RPS6KC1: variants seen among roughly 807,000 people sequenced by gnomAD.
RPS6KC1 encodes the protein inactive ribosomal protein S6 kinase delta-1.
In RPS6KC1, 54 loss-of-function variants were observed where a neutral mutation model predicts 103.8. That is an observed-to-expected ratio of 0.52 (90% CI 0.42 to 0.65). The LOEUF is 0.65. RPS6KC1 is among the 30% of genes least tolerant of loss of function. The probability of loss-of-function intolerance (pLI) is 0.00; values close to 1 mark genes in which losing one functional copy is unlikely to be tolerated. For synonymous variants in RPS6KC1, 439 were observed against 438.7 expected (o/e 1.00, Z -0.01); for missense variants, 1,151 against 1,253.8 (o/e 0.92, Z 1.24).
intron 10 of RPS6KC1, among the ~76,000 whole-genome samples, chr1:213,235,589 G>A (rs2094203872): frequency 6.6e-6 from 1 of 152,112 alleles, no homozygotes; most frequent in South Asian, 2.1e-4. Flanking sequence ...GTCTTGGCAA[G>A]AGAAAACAAA....
At chr1:213,851,094 C>A in the RPS6KC1 span, among the ~76,000 whole-genome samples, 2 of 152,082 alleles carry the variant, frequency 1.3e-5, no homozygotes, top group Non-Finnish European at 2.9e-5. Context: ...TCATCAACCC[C>A]CTCTTTCAGC....
the RPS6KC1 span, among the ~76,000 whole-genome samples, chr1:213,519,286 A>G: frequency 6.6e-6 from 1 of 152,180 alleles, no homozygotes; most frequent in African/African-American, 2.4e-5. Context: ...CACAAAGATA[A>G]GAACCTGTTG....
In RPS6KC1 at chr1:213,088,688, A is replaced by G. The variant is rs114430780; in HGVS notation, c.262+10872A>G. The stretch of plus-strand genomic sequence containing the variant: ...TCATGGCTAATTTTTTTTATATTAA[A>G]CTTTTCCCTGTTCAAATTACTGTGT... On this transcript the variant is annotated intron_variant, in intron 3 of 14. Coordinates refer to ENST00000366960, the MANE Select transcript of RPS6KC1 (RefSeq NM_012424.6). Among the ~76,000 whole-genome samples the G allele has an allele frequency of 5.3e-3, 812 of 152,104 alleles. 3 individuals carry two copies. The highest frequency in any genetic ancestry group is 8.1e-3 in the Non-Finnish European group (551 of 67,976).
chr1:213,691,982 G>A, the RPS6KC1 span, among the ~76,000 whole-genome samples: 32 of 152,334 alleles, frequency 2.1e-4, no homozygotes, highest in Non-Finnish European at 4.0e-4. Context: ...GCTAGCGGTG[G>A]TGAATCCATA....
the RPS6KC1 span, among the ~76,000 whole-genome samples, chr1:213,627,156 G>A: frequency 6.6e-6 from 1 of 152,112 alleles, no homozygotes; most frequent in Non-Finnish European, 1.5e-5. Flanking sequence ...CTTGTAAGTT[G>A]GATTCCTAGG....
At chr1:213,281,368 A>G in the RPS6KC1 span, among the ~76,000 whole-genome samples, 5 of 152,190 alleles carry the variant, frequency 3.3e-5, no homozygotes, top group African/African-American at 4.8e-5. Context: ...TCTTCCTTCA[A>G]ACCCTAAACT....
the RPS6KC1 span, among the ~76,000 whole-genome samples, chr1:213,376,627 A>C: frequency 2.6e-5 from 4 of 151,918 alleles, no homozygotes; most frequent in Non-Finnish European, 4.4e-5. Flanking sequence ...TTCCCTTTCT[A>C]TCCTTCTCTA....
At chr1:213,578,268 G>T in the RPS6KC1 span, among the ~76,000 whole-genome samples, 1 of 152,246 alleles carries the variant, frequency 6.6e-6, no homozygotes, top group East Asian at 1.9e-4. Context: ...GGAAACACCT[G>T]AATGTCCAGG....
intron 6 of RPS6KC1, among the ~76,000 whole-genome samples, chr1:213,130,303 GT>G (rs1032253797): frequency 1.3e-5 from 2 of 152,140 alleles, no homozygotes; most frequent in African/African-American, 4.8e-5. Flanking sequence ...AGATTCTTGG[GT>G]TTGCCGACTA....
At chr1:213,744,564 GTTA>G in the RPS6KC1 span, among the ~76,000 whole-genome samples, 1 of 152,052 alleles carries the variant, frequency 6.6e-6, no homozygotes, top group Admixed American at 6.5e-5. Flanking sequence ...GCCTTTTTTT[GTTA>G]TTCCTTAGTT....
the RPS6KC1 span, among the ~76,000 whole-genome samples, chr1:213,447,128 C>T: frequency 2.0e-5 from 3 of 151,620 alleles, no homozygotes; most frequent in Non-Finnish European, 2.9e-5. Flanking sequence ...AGTGCAGTAG[C>T]ACAATCACAG....
the RPS6KC1 span, among the ~76,000 whole-genome samples, chr1:213,730,706 C>T: frequency 2.6e-5 from 4 of 152,258 alleles, no homozygotes; most frequent in South Asian, 8.3e-4. Context: ...CAAAAATTTT[C>T]TCCCATTCTG....
At chr1:213,187,402 G>T (rs1034369189) in intron 8 of RPS6KC1, among the ~76,000 whole-genome samples, 1 of 151,626 alleles carries the variant, frequency 6.6e-6, no homozygotes, top group Admixed American at 6.6e-5. Flanking sequence ...GCGCCACTAT[G>T]CCTGGATAAT....
chr1:213,793,069 T>C, the RPS6KC1 span, among the ~76,000 whole-genome samples: 2 of 152,118 alleles, frequency 1.3e-5, no homozygotes, highest in Admixed American at 1.3e-4. Context: ...GGACCCCCAG[T>C]CTCCATATAA....
intron 4 of RPS6KC1, among the ~76,000 whole-genome samples, chr1:213,114,415 A>T (rs2083355491): frequency 7.2e-6 from 1 of 139,620 alleles, no homozygotes; most frequent in African/African-American, 2.8e-5. Context: ...TTGTATCCTG[A>T]GACTTTGCTG....
chr1:213,351,339 G>A, the RPS6KC1 span, among the ~76,000 whole-genome samples: 1 of 152,216 alleles, frequency 6.6e-6, no homozygotes, highest in African/African-American at 2.4e-5. Flanking sequence ...GCTTTAATTG[G>A]TCAAGTAGAG....
chr1:213,630,541 G>A, the RPS6KC1 span, among the ~76,000 whole-genome samples: 13 of 151,854 alleles, frequency 8.6e-5, no homozygotes, highest in Admixed American at 2.0e-4. Flanking sequence ...CCTTTAGCTC[G>A]GAGTAGTTTG....
At chr1:213,510,066 A>G in the RPS6KC1 span, among the ~76,000 whole-genome samples, 1 of 152,274 alleles carries the variant, frequency 6.6e-6, no homozygotes, top group South Asian at 2.1e-4. Context: ...CCTACCTACA[A>G]TAGGGTGCTA....
the RPS6KC1 span, among the ~76,000 whole-genome samples, chr1:213,442,622 A>T: frequency 0.011 from 1,741 of 152,314 alleles, 25 homozygotes; most frequent in Middle Eastern, 0.02. Context: ...TACAATGTAC[A>T]TATGTGTTAA....
Sources: gnomAD v4.1 joint callset for allele counts (sites outside exome capture counted in the v4.1 genomes callset) on GRCh38, gnomAD v4.1.1 for gene constraint, MANE v1.5 for transcripts, NCBI Gene and HGNC (gene_info 2026-07-23, HGNC 2026-07-21) for gene names.